The following PLEKHA5 variants were observed in gnomAD, a reference collection of about 807,000 sequenced individuals.
PLEKHA5 encodes the protein pleckstrin homology domain containing A5, also known as pleckstrin homology domain-containing family A member 5.
PLEKHA5 carries 55 observed loss-of-function variants against 181.9 expected under a neutral mutation model. The ratio of observed to expected loss-of-function variants is 0.30; its 90% CI spans 0.24 to 0.38. PLEKHA5 has a LOEUF of 0.38. Among genes scored for constraint, PLEKHA5 ranks in the 10% least tolerant of loss-of-function variants. PLEKHA5 has a pLI of 1.00. For synonymous variants in PLEKHA5, 535 were observed against 529.4 expected (o/e 1.01, Z -0.15); for missense variants, 1,432 against 1,549.5 (o/e 0.92, Z 1.27).
chr12:19,301,086 G>A (rs1232461207), intron 15 of PLEKHA5, among the ~76,000 whole-genome samples: 1 of 151,976 alleles, frequency 6.6e-6, no homozygotes, highest in Non-Finnish European at 1.5e-5. Flanking sequence ...GGAGGCGGAG[G>A]TCATGGTGAG....
chr12:19,185,379 T>G (rs1276466812), intron 3 of PLEKHA5, among the ~76,000 whole-genome samples: 1 of 152,086 alleles, frequency 6.6e-6, no homozygotes, highest in Non-Finnish European at 1.5e-5. Context: ...GGGACTTTCC[T>G]TAAGCTCTGG....
intron 11 of PLEKHA5, among the ~76,000 whole-genome samples, chr12:19,281,513 G>C (rs1054442178): frequency 6.6e-6 from 1 of 151,754 alleles, no homozygotes; most frequent in African/African-American, 2.4e-5. Context: ...AGAGGCGGAG[G>C]TTGCAGTGAG....
chr12:19,366,996 C>T (rs1403567728), intron 30 of PLEKHA5, among the ~76,000 whole-genome samples: 3 of 152,062 alleles, frequency 2.0e-5, no homozygotes, highest in Non-Finnish European at 4.4e-5. Flanking sequence ...TGGCTCACTG[C>T]AACCTCTGCC....
At chr12:19,271,485 C>T (rs1206491520) in intron 10 of PLEKHA5, among the ~76,000 whole-genome samples, 2 of 151,854 alleles carry the variant, frequency 1.3e-5, no homozygotes, top group Non-Finnish European at 2.9e-5. Context: ...GCCTAGACAA[C>T]GGAGTGAGAC....
chr12:19,217,307 A>G (rs1323094907), intron 3 of PLEKHA5, among the ~76,000 whole-genome samples: 1 of 152,196 alleles, frequency 6.6e-6, no homozygotes, highest in African/African-American at 2.4e-5. Flanking sequence ...AATGCAGTTT[A>G]CTCCCAGAAA....
In PLEKHA5 at chr12:19,365,980, C is replaced by T; in HGVS notation, c.3625C>T (p.Gln1209Ter). The T allele has an allele frequency of 6.2e-7, 1 of 1,609,704 alleles. No homozygotes were observed. The highest frequency in any genetic ancestry group is 8.5e-7 in the Non-Finnish European group (1 of 1,178,680). The change falls in exon 30 of 32, where the codon CAG (glutamine) becomes TAG (stop). Residue 1209 changes from glutamine (Q) to a stop codon, truncating the protein, a stop_gained. Coordinates refer to ENST00000429027, the MANE Select transcript of PLEKHA5 (RefSeq NM_001256470.2). LOFTEE classifies it high-confidence loss of function. ...DVTFSPQDET[Q>*]TANHKPEEHP... ...TTTCATCAGCCCTCAAGATGAAACA[C>T]AGACCGCAAATCATAAACCAGAAGA...
intron 3 of PLEKHA5, among the ~76,000 whole-genome samples, chr12:19,137,990 A>G (rs1168136162): frequency 6.6e-6 from 1 of 152,226 alleles, no homozygotes; most frequent in Non-Finnish European, 1.5e-5. Flanking sequence ...TAATCTGGAT[A>G]GACCCCTTCG....
At chr12:19,213,888 A>G (rs1212346942) in intron 3 of PLEKHA5, among the ~76,000 whole-genome samples, 1 of 152,184 alleles carries the variant, frequency 6.6e-6, no homozygotes, top group Non-Finnish European at 1.5e-5. Flanking sequence ...TGGACCTTTT[A>G]AGTTTGAAAT....
At chr12:19,343,468 C>A in intron 22 of PLEKHA5, 34 bp downstream of exon 22, 1 of 1,170,564 alleles carries the variant, frequency 8.5e-7, no homozygotes, top group Non-Finnish European at 1.3e-6. Context: ...TTGTGACTGA[C>A]CACAGTATTA....
At chr12:19,195,142 G>T (rs181444641) in intron 3 of PLEKHA5, among the ~76,000 whole-genome samples, 2 of 151,970 alleles carry the variant, frequency 1.3e-5, no homozygotes, top group African/African-American at 4.8e-5. Flanking sequence ...TTCAACTTGC[G>T]CAAAGTTAGT....
chr12:19,260,901 GTTT>G, intron 6 of PLEKHA5, 45 bp from the exon 7 acceptor site: 1 of 1,104,590 alleles, frequency 9.1e-7, no homozygotes, highest in Non-Finnish European at 1.3e-6. Context: ...GCACATGTGA[GTTT>G]TTGTTGTTTG....
intron 15 of PLEKHA5, among the ~76,000 whole-genome samples, chr12:19,302,906 A>AT (rs34702332): frequency 0.058 from 3,122 of 53,996 alleles, 544 homozygotes; most frequent in East Asian, 0.068. Context: ...TCTGTATGAA[A>AT]TTTTTTTTTT....
At chr12:19,304,894 A>C (rs1464938982) in intron 15 of PLEKHA5, among the ~76,000 whole-genome samples, 1 of 152,070 alleles carries the variant, frequency 6.6e-6, no homozygotes, top group Non-Finnish European at 1.5e-5. Context: ...CAGGAGTTCG[A>C]GACTAGCCTG....
chr12:19,253,530 C>T (rs1352010494), intron 3 of PLEKHA5, among the ~76,000 whole-genome samples: 1 of 151,924 alleles, frequency 6.6e-6, no homozygotes, highest in Non-Finnish European at 1.5e-5. Context: ...TCTCAAAAGG[C>T]TGGCGGCCAG....
In PLEKHA5 at chr12:19,269,639, G is replaced by T. The variant is rs4963554; in HGVS notation, c.712-131G>T. 457,195 of 508,056 alleles carry T rather than the reference G, an allele frequency of 0.9. 210,012 individuals carry two copies. Among genetic ancestry groups the T allele is most frequent in the Non-Finnish European group, 0.97 (275,750 of 283,552 alleles). The allele number at this position is 508,056 out of a possible 1,614,324, so 31.5% of individuals were successfully genotyped here. A position where few individuals can be genotyped will look rare whatever the true frequency, so the allele number is the denominator to read the frequency against. On this transcript the variant is annotated intron_variant, in intron 8 of 31. Transcript: ENST00000429027. ...TTTCTTGATTCATTTCCATATCTCA[G>T]GTAAAAGATAAGTCTACTTTCTCTG...
chr12:19,237,713 T>A (rs2152426452), intron 3 of PLEKHA5, among the ~76,000 whole-genome samples: 1 of 152,112 alleles, frequency 6.6e-6, no homozygotes, highest in African/African-American at 2.4e-5. Flanking sequence ...GTTTCTTAAT[T>A]TTTTAAAGAA....
At chr12:19,207,862 A>T (rs1001612169) in intron 3 of PLEKHA5, 1 of 152,228 alleles carries the variant, frequency 6.6e-6, no homozygotes, top group Non-Finnish European at 1.5e-5. Flanking sequence ...TTAGAATTAC[A>T]CGGTAATGAG....
chr12:19,345,329 C>T (rs1021978987), intron 22 of PLEKHA5, among the ~76,000 whole-genome samples: 19 of 150,156 alleles, frequency 1.3e-4, no homozygotes, highest in East Asian at 3.9e-4. Context: ...GAACCTGGGA[C>T]GCAGAGGTTG....
At chr12:19,352,704 C>T (rs926188463) in intron 25 of PLEKHA5, among the ~76,000 whole-genome samples, 3 of 148,706 alleles carry the variant, frequency 2.0e-5, no homozygotes, top group Admixed American at 6.8e-5. Context: ...CAATGAGCCA[C>T]AGCACCTGGC....
Sources: allele counts gnomAD v4.1 joint callset (sites outside exome capture counted in the v4.1 genomes callset), GRCh38; gene constraint gnomAD v4.1.1; transcripts MANE v1.5; gene names NCBI Gene and HGNC (gene_info 2026-07-23, HGNC 2026-07-21).